The following IQCH variants were observed in gnomAD, a reference collection of about 807,000 sequenced individuals.
The protein encoded by IQCH is IQ motif containing H.
In IQCH, 98 loss-of-function variants were observed where a neutral mutation model predicts 117.0. That is an observed-to-expected ratio of 0.84 (90% CI 0.71 to 0.99). The LOEUF (loss-of-function observed/expected upper bound fraction) is 0.99. IQCH is among the 50% of genes least tolerant of loss of function. The pLI is 0.00. For missense variants in IQCH, 1,102 were observed against 1,243.8 expected (o/e 0.89, Z 1.72); for synonymous variants, 412 against 448.2 (o/e 0.92, Z 1.02).
In IQCH at chr15:67,369,499, AAAAAG is replaced by A. The variant is rs1970447921; in HGVS notation, c.754-2610_754-2606del. On this transcript the variant is annotated intron_variant, in intron 8 of 20. Coordinates refer to ENST00000335894, the MANE Select transcript of IQCH (RefSeq NM_001031715.3). This position sits in a 1 kb window ranked among gnomAD's most constrained non-coding sequence, Gnocchi z 5.2. ...AGAGAGAGGAAGGAAGAGAAAAAGA[AAAAAG>A]AGAAAGAAGAGAGGGAAGGGGAAAG... Among the ~76,000 whole-genome samples, 1 of 150,910 alleles carries A rather than the reference AAAAAG, an allele frequency of 6.6e-6. No homozygotes were observed. The highest frequency in any genetic ancestry group is 1.5e-5 in the Non-Finnish European group (1 of 67,884).
At chr15:67,398,666 T>G (rs553504700) in intron 13 of IQCH, among the ~76,000 whole-genome samples, 26 of 152,064 alleles carry the variant, frequency 1.7e-4, no homozygotes, top group African/African-American at 5.8e-4. Flanking sequence ...CAAAATAACT[T>G]TAATCTGGTA....
chr15:67,363,381 G>A (rs973161303), intron 8 of IQCH, among the ~76,000 whole-genome samples: 10 of 151,420 alleles, frequency 6.6e-5, no homozygotes, highest in Admixed American at 3.3e-4. Context: ...GACTAGAGGC[G>A]TGCACCACCA....
At position 67,401,898 on chromosome 15, in the gene IQCH, ACT is replaced by A. The variant is rs1430281668; in HGVS notation, c.2097+1594_2097+1595del. Among the ~76,000 whole-genome samples the A allele has an allele frequency of 2.0e-5, 3 of 152,154 alleles. No homozygotes were observed. The highest frequency in any genetic ancestry group is 1.9e-4 in the East Asian group (1 of 5,198). The stretch of plus-strand genomic sequence containing the variant: ...TTGTATAGATTTTTTTTAAAGCAAC[ACT>A]GTTAAGATTAAACCATAAAAATATG... On this transcript the variant is annotated intron_variant, in intron 14 of 20. Coordinates refer to ENST00000335894, the MANE Select transcript of IQCH (RefSeq NM_001031715.3). The surrounding 1 kb of genome is among the most constrained non-coding windows in gnomAD (Gnocchi z 4.7).
intron 18 of IQCH, among the ~76,000 whole-genome samples, chr15:67,488,813 G>A (rs928099929): frequency 2.6e-5 from 4 of 152,078 alleles, no homozygotes; most frequent in Admixed American, 1.3e-4. Flanking sequence ...TAATGCCACC[G>A]CTGATCTGAC....
At chr15:67,423,771 T>C (rs1221845595) in intron 16 of IQCH, among the ~76,000 whole-genome samples, 4 of 149,828 alleles carry the variant, frequency 2.7e-5, no homozygotes, top group Admixed American at 2.7e-4. Context: ...ATAGAATTGC[T>C]TGAACCCAGG....
chr15:67,302,394 T>C (rs886289182), intron 4 of IQCH, among the ~76,000 whole-genome samples: 1 of 152,158 alleles, frequency 6.6e-6, no homozygotes, highest in Non-Finnish European at 1.5e-5. Context: ...GGAGTAGTGC[T>C]GTGAGTGTTA....
chr15:67,418,631 T>A (rs1173788423), intron 15 of IQCH, among the ~76,000 whole-genome samples: 1 of 143,958 alleles, frequency 6.9e-6, no homozygotes, highest in Non-Finnish European at 1.5e-5. Flanking sequence ...CAGGCTGGAG[T>A]GCAATGGTGC....
intron 1 of IQCH, chr15:67,255,242 C>T (rs901407211): frequency 8.3e-6 from 4 of 483,688 alleles, no homozygotes; most frequent in Non-Finnish European, 1.5e-5. Context: ...GCTGAGGCAT[C>T]ATTTTTAAAT....
chr15:67,291,901 G>A (rs1966763835), intron 4 of IQCH, among the ~76,000 whole-genome samples: 2 of 152,074 alleles, frequency 1.3e-5, no homozygotes, highest in South Asian at 2.1e-4. Flanking sequence ...AACCCTTTTT[G>A]TATGAAAATA....
At chr15:67,362,996 C>T (rs1437401209) in intron 8 of IQCH, among the ~76,000 whole-genome samples, 2 of 152,132 alleles carry the variant, frequency 1.3e-5, no homozygotes, top group Non-Finnish European at 2.9e-5. Flanking sequence ...CTTGTCTTGC[C>T]CTAAAGGGCT....
chr15:67,332,615 T>C (rs560770616), intron 4 of IQCH, among the ~76,000 whole-genome samples: 30 of 152,302 alleles, frequency 2.0e-4, no homozygotes, highest in East Asian at 3.9e-4. Context: ...TAAACAATTA[T>C]AGAATCATGG....
Position 67,373,128 on chromosome 15 carries a change from T to A in IQCH, c.1306-239T>A, listed in dbSNP as rs111922182. Among the ~76,000 whole-genome samples the A allele has an allele frequency of 2.1e-3, 318 of 152,328 alleles. 1 individual carries two copies. The highest frequency in any genetic ancestry group is 7.4e-3 in the African/African-American group (309 of 41,584). On this transcript the variant is annotated intron_variant, in intron 9 of 20. Transcript: ENST00000335894. The stretch of plus-strand genomic sequence containing the variant: ...TGCTCACAATTTCATTTATGTTTGC[T>A]TTCTCTTTTTTTCATTCATATTCTG...
chr15:67,489,179 G>A (rs369952755), intron 18 of IQCH, among the ~76,000 whole-genome samples: 10 of 144,146 alleles, frequency 6.9e-5, no homozygotes, highest in East Asian at 4.2e-4. Flanking sequence ...GACTACAGGC[G>A]CCCGCCACCA....
In IQCH at chr15:67,416,187, A is replaced by G. The variant is rs2140906233; in HGVS notation, c.2098-744A>G. Among the ~76,000 whole-genome samples, 1 of 152,322 alleles carries G rather than the reference A, an allele frequency of 6.6e-6. No individual in the cohort carries two copies. Among genetic ancestry groups the G allele is most frequent in the South Asian group, 2.1e-4 (1 of 4,824 alleles). On this transcript the variant is annotated intron_variant, in intron 14 of 20. Transcript: ENST00000335894. This position sits in a 1 kb window ranked among gnomAD's most constrained non-coding sequence, Gnocchi z 5.1. ...CACCTGAGGTCAGGAGTTCGAGATCAGTATGACCAACATGGTGAAACCCTA... is the reference window on the plus strand; with the variant it reads ...CACCTGAGGTCAGGAGTTCGAGATCGGTATGACCAACATGGTGAAACCCTA...
intron 4 of IQCH, among the ~76,000 whole-genome samples, chr15:67,334,761 GCAATA>G (rs1712102135): frequency 6.6e-6 from 1 of 152,188 alleles, no homozygotes; most frequent in African/African-American, 2.4e-5. Flanking sequence ...AAAGCCTTCT[GCAATA>G]CAAGCAGGCA....
At chr15:67,347,297 A>G (rs1969441139) in intron 6 of IQCH, among the ~76,000 whole-genome samples, 2 of 152,140 alleles carry the variant, frequency 1.3e-5, no homozygotes. Flanking sequence ...AACCAAGATT[A>G]AAAGAGAGAA....
At chr15:67,480,910 C>T (rs183174910) in intron 18 of IQCH, among the ~76,000 whole-genome samples, 1 of 151,928 alleles carries the variant, frequency 6.6e-6, no homozygotes, top group Admixed American at 6.6e-5. Flanking sequence ...AAAATATGAG[C>T]TTCTGAATGA....
intron 3 of IQCH, among the ~76,000 whole-genome samples, chr15:67,267,632 G>A (rs972604925): frequency 3.9e-5 from 6 of 152,212 alleles, no homozygotes; most frequent in Non-Finnish European, 7.3e-5. Context: ...GAGGCTGATT[G>A]AGTATCAGAG....
At chr15:67,286,522 A>G (rs946787050) in intron 4 of IQCH, among the ~76,000 whole-genome samples, 2 of 152,090 alleles carry the variant, frequency 1.3e-5, no homozygotes, top group Non-Finnish European at 2.9e-5. Flanking sequence ...AACTTAGGAG[A>G]AAGGCTTTCA....
Sources: allele counts gnomAD v4.1 joint callset (sites outside exome capture counted in the v4.1 genomes callset), GRCh38; gene constraint gnomAD v4.1.1; non-coding constraint Gnocchi (gnomAD v3.1); transcripts MANE v1.5; gene names NCBI Gene and HGNC (gene_info 2026-07-23, HGNC 2026-07-21).